PARD3: variants seen among roughly 807,000 people sequenced by gnomAD.
PARD3 encodes the protein partitioning defective 3 homolog.
PARD3 carries 75 observed loss-of-function variants against 155.4 expected under a neutral mutation model. The ratio of observed to expected loss-of-function variants is 0.48; its 90% CI spans 0.40 to 0.58. PARD3 has a LOEUF of 0.58. PARD3 is among the 20% of genes least tolerant of loss of function. The pLI is 0.00. For missense variants in PARD3, 1,642 were observed against 1,721.7 expected (o/e 0.95, Z 0.82); for synonymous variants, 576 against 610.5 (o/e 0.94, Z 0.83).
At chr10:34,504,629 A>T (rs2080940315) in intron 3 of PARD3, among the ~76,000 whole-genome samples, 1 of 152,058 alleles carries the variant, frequency 6.6e-6, no homozygotes, top group South Asian at 2.1e-4. Context: ...TGTCCATTCC[A>T]TGGAAAAGTT....
At chr10:34,303,302 G>A (rs988922407) in intron 20 of PARD3, among the ~76,000 whole-genome samples, 1 of 151,666 alleles carries the variant, frequency 6.6e-6, no homozygotes, top group Non-Finnish European at 1.5e-5. Flanking sequence ...AAAGAACATC[G>A]AAGGAAAATT....
chr10:34,248,939 T>G (rs534231385), intron 22 of PARD3, among the ~76,000 whole-genome samples: 1 of 152,340 alleles, frequency 6.6e-6, no homozygotes, highest in South Asian at 2.1e-4. Context: ...CGGGGATTGA[T>G]AATTTTAAAT....
At chr10:34,546,967 C>T (rs1326151957) in intron 2 of PARD3, among the ~76,000 whole-genome samples, 1 of 152,194 alleles carries the variant, frequency 6.6e-6, no homozygotes, top group Non-Finnish European at 1.5e-5. Context: ...ATCAAACACA[C>T]AAAAGCAATA....
chr10:34,114,565 G>A (rs1946562271), intron 24 of PARD3, among the ~76,000 whole-genome samples: 1 of 152,128 alleles, frequency 6.6e-6, no homozygotes, highest in Non-Finnish European at 1.5e-5. Context: ...GGCTGGTCTT[G>A]AACTCCTGAA....
chr10:34,744,681 T>C lies in PARD3; in HGVS notation c.121-48262A>G, dbSNP rs571651360. On this transcript the variant is annotated intron_variant, in intron 1 of 24. Coordinates refer to ENST00000374788, the MANE Select transcript of PARD3 (RefSeq NM_001184785.2). ...AGAGGTGAGACTACAGGCACTTGCCTCTGACACAAAATTTAAGGGAGGACC... is the reference window on the plus strand; with the variant it reads ...AGAGGTGAGACTACAGGCACTTGCCCCTGACACAAAATTTAAGGGAGGACC... 3.3e-5 allele frequency among the ~76,000 whole-genome samples: 5 copies of C among 152,240 alleles called. No individual in the cohort carries two copies. In the South Asian group the frequency reaches 1.0e-3, roughly 32 times the overall value.
intron 5 of PARD3, among the ~76,000 whole-genome samples, chr10:34,402,181 AAACTT>A (rs1843958650): frequency 6.6e-6 from 1 of 152,170 alleles, no homozygotes; most frequent in Non-Finnish European, 1.5e-5. Context: ...AACAAAGAAA[AAACTT>A]ATCTTTATGC....
At chr10:34,502,708 A>C (rs372023546) in intron 3 of PARD3, among the ~76,000 whole-genome samples, 241 of 152,308 alleles carry the variant, frequency 1.6e-3, no homozygotes, top group African/African-American at 5.4e-3. Flanking sequence ...GGGGAGGCTC[A>C]GAGAGAGGAT....
chr10:34,458,164 A>C (rs1217728950), intron 4 of PARD3, among the ~76,000 whole-genome samples: 1 of 152,098 alleles, frequency 6.6e-6, no homozygotes, highest in African/African-American at 2.4e-5. Flanking sequence ...AAATTGTCTC[A>C]TTTCATTCTT....
chr10:34,610,955 G>C (rs975168175), intron 2 of PARD3, among the ~76,000 whole-genome samples: 11 of 152,148 alleles, frequency 7.2e-5, no homozygotes, highest in African/African-American at 2.7e-4. Context: ...AAAGTAAGCA[G>C]CTCCCAGGGA....
intron 22 of PARD3, among the ~76,000 whole-genome samples, chr10:34,213,466 T>A (rs1588787230): frequency 6.6e-6 from 1 of 152,166 alleles, no homozygotes; most frequent in African/African-American, 2.4e-5. Context: ...TTGGTGGGGA[T>A]GAACTATGTC....
intron 1 of PARD3, among the ~76,000 whole-genome samples, chr10:34,710,758 T>C (rs2094438195): frequency 6.6e-6 from 1 of 152,212 alleles, no homozygotes; most frequent in Non-Finnish European, 1.5e-5. Context: ...AGATGCTCAA[T>C]AAATACTGGT....
At chr10:34,801,434 TACTGTGGTATGAAAAAGACGGATGAGAG>T (rs1195021117) in intron 1 of PARD3, among the ~76,000 whole-genome samples, 1 of 152,182 alleles carries the variant, frequency 6.6e-6, no homozygotes, top group Non-Finnish European at 1.5e-5. Context: ...ACCCCTTCAA[TACTGTGGTATGAAAAAGACGGATGAGAG>T]GAGGTAGTCC....
intron 3 of PARD3, among the ~76,000 whole-genome samples, chr10:34,482,207 T>G (rs555359533): frequency 6.6e-6 from 1 of 151,416 alleles, no homozygotes; most frequent in African/African-American, 2.4e-5. Flanking sequence ...GCTAATTTTT[T>G]TATGTTCTGT....
At chr10:34,803,684 TC>T (rs1843048952) in intron 1 of PARD3, among the ~76,000 whole-genome samples, 1 of 151,938 alleles carries the variant, frequency 6.6e-6, no homozygotes, top group African/African-American at 2.4e-5. Flanking sequence ...GAACCTATAA[TC>T]CCAGCTACTT....
At chr10:34,632,630 G>C (rs1164500986) in intron 2 of PARD3, among the ~76,000 whole-genome samples, 2 of 152,210 alleles carry the variant, frequency 1.3e-5, no homozygotes, top group East Asian at 3.8e-4. Flanking sequence ...TGCTGCTTTT[G>C]AGAGAAATTA....
intron 1 of PARD3, among the ~76,000 whole-genome samples, chr10:34,728,954 C>T (rs992878671): frequency 2.6e-5 from 4 of 152,074 alleles, no homozygotes; most frequent in Non-Finnish European, 5.9e-5. Flanking sequence ...TTCTAGGTTC[C>T]GATATGTTTA....
chr10:34,427,883 A>G (rs1211647924), intron 5 of PARD3, among the ~76,000 whole-genome samples: 3 of 152,108 alleles, frequency 2.0e-5, no homozygotes, highest in Non-Finnish European at 4.4e-5. Context: ...GGGTAGGGGG[A>G]AGTGGCAACT....
intron 4 of PARD3, among the ~76,000 whole-genome samples, chr10:34,457,150 G>C (rs773667019): frequency 1.3e-5 from 2 of 152,134 alleles, no homozygotes; most frequent in Admixed American, 6.6e-5. Context: ...ATAATCACAG[G>C]AGTATGGATC....
At chr10:34,651,011 C>CCAAA (rs1404556380) in intron 2 of PARD3, among the ~76,000 whole-genome samples, 3 of 44,546 alleles carry the variant, frequency 6.7e-5, no homozygotes, top group Non-Finnish European at 1.2e-4. Context: ...AACTCTGTCT[C>CCAAA]AAAAAAAAAA....
Sources: allele counts gnomAD v4.1 joint callset (sites outside exome capture counted in the v4.1 genomes callset), GRCh38; gene constraint gnomAD v4.1.1; transcripts MANE v1.5; gene names NCBI Gene and HGNC (gene_info 2026-07-23, HGNC 2026-07-21).